NR1H4: variants seen among roughly 807,000 people sequenced by gnomAD.
The protein encoded by NR1H4 is nuclear receptor subfamily 1 group H member 4, also known as bile acid receptor.
In NR1H4, 23 loss-of-function variants were observed where a neutral mutation model predicts 58.5. That is an observed-to-expected ratio of 0.39 (90% CI 0.28 to 0.56). NR1H4 has a LOEUF of 0.56. Among genes scored for constraint, NR1H4 ranks in the 20% least tolerant of loss-of-function variants. NR1H4 has a pLI of 0.58. For synonymous variants in NR1H4, 214 were observed against 198.0 expected (o/e 1.08, Z -0.68); for missense variants, 487 against 576.9 (o/e 0.84, Z 1.60).
chr12:100,479,010 G>A (rs1469633356), intron 1 of NR1H4, among the ~76,000 whole-genome samples: 2 of 152,002 alleles, frequency 1.3e-5, no homozygotes, highest in African/African-American at 4.8e-5. Context: ...TGTGTTTACT[G>A]GCCACTTGTG....
intron 9 of NR1H4, among the ~76,000 whole-genome samples, chr12:100,556,467 C>CAAAAAAAAAAAAA (rs781520049): frequency 2.3e-5 from 2 of 87,520 alleles, no homozygotes; most frequent in Admixed American, 1.1e-4. Context: ...AACTCCGTCT[C>CAAAAAAAAAAAAA]AAAGAAAAAA....
intron 9 of NR1H4, among the ~76,000 whole-genome samples, chr12:100,544,182 G>T (rs1417459773): frequency 1.3e-5 from 2 of 150,320 alleles, no homozygotes; most frequent in African/African-American, 4.9e-5. Flanking sequence ...AACCCAGGAG[G>T]TGGAGCTTAC....
chr12:100,550,421 A>ATG (rs1458484057), intron 9 of NR1H4, among the ~76,000 whole-genome samples: 1 of 152,074 alleles, frequency 6.6e-6, no homozygotes, highest in Non-Finnish European at 1.5e-5. Flanking sequence ...CTAGAGTGCA[A>ATG]TGGCACGATC....
intron 9 of NR1H4, among the ~76,000 whole-genome samples, chr12:100,559,068 T>G (rs1955400899): frequency 6.6e-6 from 1 of 152,256 alleles, no homozygotes; most frequent in African/African-American, 2.4e-5. Flanking sequence ...GGACAGGTCC[T>G]AGAGGCTCCT....
At chr12:100,559,074 C>T (rs905622992) in intron 9 of NR1H4, among the ~76,000 whole-genome samples, 3 of 152,200 alleles carry the variant, frequency 2.0e-5, no homozygotes, top group Non-Finnish European at 2.9e-5. Flanking sequence ...GTCCTAGAGG[C>T]TCCTACGTTA....
At chr12:100,492,950 T>A (rs1953635251) in intron 2 of NR1H4, among the ~76,000 whole-genome samples, 1 of 152,146 alleles carries the variant, frequency 6.6e-6, no homozygotes, top group African/African-American at 2.4e-5. Context: ...TTGTTTTTTT[T>A]TCTAATAAAG....
intron 3 of NR1H4, among the ~76,000 whole-genome samples, chr12:100,506,028 CACACACACACACACAG>C (rs1302331393): frequency 1.4e-4 from 20 of 147,010 alleles, no homozygotes; most frequent in African/African-American, 4.0e-4. Context: ...CACACACACA[CACACACACACACACAG>C]AGAGAGAGAG....
At position 100,522,948 on chromosome 12, in the gene NR1H4, C is replaced by T. The variant is rs370953351; in HGVS notation, c.446-9510C>T. Among the ~76,000 whole-genome samples the T allele has an allele frequency of 1.2e-3, 189 of 152,252 alleles. 1 individual carries two copies. The South Asian group carries it at 0.017, about 14-fold the overall frequency. On this transcript the variant is annotated intron_variant, in intron 4 of 10. Coordinates refer to ENST00000392986, the MANE Select transcript of NR1H4 (RefSeq NM_001206979.2). ...ATATATACCACAGTTTCTTTATCCA[C>T]TCATTGGTTGATGGGCACTTAGATT...
intron 1 of NR1H4, among the ~76,000 whole-genome samples, chr12:100,491,328 C>T (rs979570046): frequency 5.9e-5 from 9 of 151,840 alleles, no homozygotes; most frequent in Admixed American, 5.3e-4. Flanking sequence ...CTCTTGGGTT[C>T]GGAGTTCCAC....
chr12:100,509,127 G>A (rs760336102), intron 3 of NR1H4, among the ~76,000 whole-genome samples: 2 of 152,054 alleles, frequency 1.3e-5, no homozygotes, highest in Non-Finnish European at 2.9e-5. Context: ...TCTTGATATC[G>A]ATATTATCAT....
rs1953627452 is a variant in NR1H4 at position 100,492,528 on chromosome 12, G to A, written c.-164G>A. 6.6e-6 allele frequency: 1 copy of A among 152,196 alleles called. No homozygotes were observed. Among genetic ancestry groups the A allele is most frequent in the Admixed American group, 6.5e-5 (1 of 15,280 alleles). 9.4% of individuals were successfully genotyped at this position (152,196 alleles called of 1,614,324 possible). A position where few individuals can be genotyped will look rare whatever the true frequency, so the allele number is the denominator to read the frequency against. On this transcript the variant is annotated 5_prime_UTR_variant, in exon 2 of 11. In the 5' UTR this introduces an upstream ATG that the reference lacks. Coordinates refer to ENST00000392986, the MANE Select transcript of NR1H4 (RefSeq NM_001206979.2). ...GGAGGTAGAAGACATCGTAGAAGGA[G>A]TGAAAGAAGAAAAGAAGACTTAGAA... is the stretch of plus-strand genomic sequence containing the variant.
intron 1 of NR1H4, among the ~76,000 whole-genome samples, chr12:100,486,987 A>G (rs1953505190): frequency 6.6e-6 from 1 of 152,236 alleles, no homozygotes; most frequent in South Asian, 2.1e-4. Context: ...GAACTCTGCC[A>G]AGTCAATAAA....
chr12:100,493,598 A>G (rs1953650243), intron 3 of NR1H4, among the ~76,000 whole-genome samples, 196 bp downstream of exon 3: 1 of 152,170 alleles, frequency 6.6e-6, no homozygotes, highest in African/African-American at 2.4e-5. Context: ...AATGGTCTTC[A>G]TTTTTATAGA....
At chr12:100,526,905 G>A (rs115587577) in intron 4 of NR1H4, among the ~76,000 whole-genome samples, 1,733 of 152,256 alleles carry the variant, frequency 0.011, 35 homozygotes, top group African/African-American at 0.04. Context: ...CTATGTGAGA[G>A]TTATCTTTAT....
chr12:100,528,862 A>T (rs961243222), intron 4 of NR1H4, among the ~76,000 whole-genome samples: 1 of 152,164 alleles, frequency 6.6e-6, no homozygotes, highest in Non-Finnish European at 1.5e-5. Context: ...TTATTCTGTT[A>T]ACTATTAAGC....
chr12:100,543,537 A>G (rs1381323895), intron 9 of NR1H4, among the ~76,000 whole-genome samples: 4 of 151,698 alleles, frequency 2.6e-5, no homozygotes, highest in Non-Finnish European at 5.9e-5. Flanking sequence ...GTCAAGAAAT[A>G]TGGATTTTGG....
intron 1 of NR1H4, among the ~76,000 whole-genome samples, chr12:100,476,722 T>C (rs1197911781): frequency 6.6e-6 from 1 of 152,048 alleles, no homozygotes; most frequent in Non-Finnish European, 1.5e-5. Flanking sequence ...TAAAGGGGAA[T>C]AAAAGAAAAT....
chr12:100,533,695 A>G (rs764198177), intron 5 of NR1H4, among the ~76,000 whole-genome samples: 2 of 152,214 alleles, frequency 1.3e-5, no homozygotes, highest in African/African-American at 2.4e-5. Context: ...ATTTTGCATG[A>G]AGCCACATAT....
intron 9 of NR1H4, among the ~76,000 whole-genome samples, chr12:100,545,663 A>AC (rs1955050082): frequency 2.7e-5 from 4 of 147,790 alleles, no homozygotes; most frequent in Non-Finnish European, 3.0e-5. Flanking sequence ...AAAAAAAAAA[A>AC]AAAAAACCAA....
Sources: allele counts gnomAD v4.1 joint callset (sites outside exome capture counted in the v4.1 genomes callset), GRCh38; gene constraint gnomAD v4.1.1; transcripts MANE v1.5; gene names NCBI Gene and HGNC (gene_info 2026-07-23, HGNC 2026-07-21).